Variants in KCNIP4 observed in about 807,000 individuals in gnomAD.
KCNIP4 encodes the protein Kv channel-interacting protein 4.
KCNIP4 carries 12 observed loss-of-function variants against 34.0 expected under a neutral mutation model. The observed-to-expected ratio is 0.35, with a 90% CI of 0.23 to 0.57. The LOEUF (loss-of-function observed/expected upper bound fraction) is 0.57. Ranked by LOEUF, KCNIP4 falls within the 20% of genes least tolerant of loss-of-function variation. The probability of loss-of-function intolerance (pLI) is 0.83; values close to 1 mark genes in which losing one functional copy is unlikely to be tolerated. For synonymous variants in KCNIP4, 124 were observed against 102.2 expected, an observed-to-expected ratio of 1.21 and a Z score of -1.29; for missense variants, 238 against 311.7, an observed-to-expected ratio of 0.76 and a Z score of 1.78.
intron 1 of KCNIP4, among the ~76,000 whole-genome samples, chr4:21,700,184 T>C (rs888060311): frequency 2.0e-5 from 3 of 152,326 alleles, no homozygotes; most frequent in African/African-American, 7.2e-5. Flanking sequence ...GCTGTACTAT[T>C]ATAATTTACA....
intron 1 of KCNIP4, among the ~76,000 whole-genome samples, chr4:21,732,731 G>A (rs1162579243): frequency 6.6e-6 from 1 of 152,078 alleles, no homozygotes; most frequent in Non-Finnish European, 1.5e-5. Flanking sequence ...CTCTCAAGGT[G>A]GCATCAGGGG....
At chr4:21,324,087 G>A (rs1016562722) in intron 1 of KCNIP4, among the ~76,000 whole-genome samples, 3 of 151,616 alleles carry the variant, frequency 2.0e-5, no homozygotes, top group African/African-American at 7.3e-5. Context: ...CCACTTTTAA[G>A]GTGTATTATC....
At chr4:21,086,914 CCT>C (rs1746486699) in intron 1 of KCNIP4, among the ~76,000 whole-genome samples, 1 of 150,212 alleles carries the variant, frequency 6.7e-6, no homozygotes, top group Admixed American at 6.7e-5. Flanking sequence ...CCTCTCTTTC[CCT>C]CTTTCCCTTT....
chr4:21,357,791 C>A (rs1380002683), intron 1 of KCNIP4, among the ~76,000 whole-genome samples: 1 of 152,104 alleles, frequency 6.6e-6, no homozygotes, highest in African/African-American at 2.4e-5. Flanking sequence ...ACTAGAAATA[C>A]CATTTGACCC....
At chr4:21,496,404 T>A (rs185593164) in intron 1 of KCNIP4, among the ~76,000 whole-genome samples, 23 of 152,234 alleles carry the variant, frequency 1.5e-4, no homozygotes, top group Non-Finnish European at 2.2e-4. Context: ...AATCAGAAAG[T>A]CAGGCCTCTC....
rs1388470260 is a variant in KCNIP4 at position 20,729,564 on chromosome 4, CTA to C, written c.*516_*517del. The stretch of plus-strand genomic sequence containing the variant: ...GGTGGGAAGGCCATAGAAACTGGAA[CTA>C]TGTGTTTTTTTAATTGTTGTAATCT... On this transcript the variant is annotated 3_prime_UTR_variant, in exon 9 of 9. Transcript: ENST00000382152. 6.7e-6 allele frequency: 1 copy of C among 148,198 alleles called. No homozygotes were observed. The highest frequency in any genetic ancestry group is 2.5e-5 in the African/African-American group (1 of 40,050). 9.2% of individuals were successfully genotyped at this position (148,198 alleles called of 1,614,324 possible). A position where few individuals can be genotyped will look rare whatever the true frequency, so the allele number is the denominator to read the frequency against.
intron 1 of KCNIP4, among the ~76,000 whole-genome samples, chr4:21,520,618 C>T (rs1735440689): frequency 6.6e-6 from 1 of 152,122 alleles, no homozygotes; most frequent in Admixed American, 6.6e-5. Flanking sequence ...TGTTTCAGTA[C>T]AGTGTGTAGC....
At chr4:21,204,240 A>G (rs1246586577) in intron 1 of KCNIP4, among the ~76,000 whole-genome samples, 1 of 152,102 alleles carries the variant, frequency 6.6e-6, no homozygotes, top group Non-Finnish European at 1.5e-5. Context: ...GAAAGGGGAA[A>G]GGATTGAATC....
At chr4:21,727,703 C>T (rs1715298116) in intron 1 of KCNIP4, among the ~76,000 whole-genome samples, 1 of 152,020 alleles carries the variant, frequency 6.6e-6, no homozygotes, top group African/African-American at 2.4e-5. Context: ...GTGGTGCTCA[C>T]CTGTAATCCC....
chr4:21,222,155 G>A (rs1208866702), intron 1 of KCNIP4, among the ~76,000 whole-genome samples: 2 of 152,062 alleles, frequency 1.3e-5, no homozygotes, highest in Non-Finnish European at 2.9e-5. Flanking sequence ...AAGCAAATTT[G>A]AAATAAAAAA....
In KCNIP4 at chr4:20,896,914, G is replaced by T. The variant is rs184142882; in HGVS notation, c.62-14205C>A. Among the ~76,000 whole-genome samples the T allele has an allele frequency of 8.0e-4, 122 of 151,876 alleles. 1 individual carries two copies. The highest frequency in any genetic ancestry group is 1.1e-3 in the Admixed American group (17 of 15,252). On this transcript the variant is annotated intron_variant, in intron 1 of 8. Coordinates refer to ENST00000382152, the MANE Select transcript of KCNIP4 (RefSeq NM_025221.6). Reference sequence around the variant, plus strand: ...TAAGACAAGGGGCTCTACTTGTAGTGCCTTCTCATTAGTACTGGTATTTTT... The same window carrying T: ...TAAGACAAGGGGCTCTACTTGTAGTTCCTTCTCATTAGTACTGGTATTTTT...
intron 5 of KCNIP4, among the ~76,000 whole-genome samples, chr4:20,740,704 G>A (rs1402223484): frequency 6.6e-6 from 1 of 152,114 alleles, no homozygotes; most frequent in African/African-American, 2.4e-5. Flanking sequence ...ATAATGACAG[G>A]ATCAAATTCA....
At chr4:21,477,057 T>C (rs914363957) in intron 1 of KCNIP4, among the ~76,000 whole-genome samples, 1 of 152,160 alleles carries the variant, frequency 6.6e-6, no homozygotes, top group African/African-American at 2.4e-5. Flanking sequence ...TCAAGAAGGT[T>C]TCCTGAATAA....
chr4:20,762,852 A>G (rs565308940), intron 3 of KCNIP4, among the ~76,000 whole-genome samples: 62 of 152,306 alleles, frequency 4.1e-4, no homozygotes, highest in African/African-American at 1.4e-3. Context: ...TAAAGGAAAG[A>G]GGTTAATTGA....
chr4:20,755,757 A>G (rs1754362954), intron 4 of KCNIP4, among the ~76,000 whole-genome samples: 2 of 152,162 alleles, frequency 1.3e-5, no homozygotes, highest in African/African-American at 4.8e-5. Flanking sequence ...TGCAAAGGTG[A>G]TGAGATATTG....
intron 1 of KCNIP4, among the ~76,000 whole-genome samples, chr4:21,307,129 C>T (rs1213584916): frequency 6.6e-6 from 1 of 152,132 alleles, no homozygotes; most frequent in African/African-American, 2.4e-5. Flanking sequence ...GCAACCGTGC[C>T]GGGCCGGCAG....
chr4:20,817,098 T>C (rs1211469387), intron 3 of KCNIP4, among the ~76,000 whole-genome samples: 2 of 146,136 alleles, frequency 1.4e-5, no homozygotes, highest in East Asian at 3.8e-4. Context: ...GAGAAAATAA[T>C]GTCACAAAGG....
At chr4:20,950,962 A>G (rs774038405) in intron 1 of KCNIP4, among the ~76,000 whole-genome samples, 17 of 152,138 alleles carry the variant, frequency 1.1e-4, no homozygotes, top group Non-Finnish European at 1.9e-4. Context: ...CAAAATTCAT[A>G]TATTGAAGCC....
chr4:20,903,472 C>A (rs566183326), intron 1 of KCNIP4, among the ~76,000 whole-genome samples: 1 of 152,196 alleles, frequency 6.6e-6, no homozygotes, highest in Admixed American at 6.5e-5. Flanking sequence ...TTCAAAAGAA[C>A]CTTGGTCTCC....
Sources: allele counts gnomAD v4.1 joint callset (sites outside exome capture counted in the v4.1 genomes callset), GRCh38; gene constraint gnomAD v4.1.1; transcripts MANE v1.5; gene names NCBI Gene and HGNC (gene_info 2026-07-23, HGNC 2026-07-21).